HNF1B: variants seen among roughly 807,000 people sequenced by gnomAD.
HNF1B encodes HNF1 homeobox B.
HNF1B carries 8 observed loss-of-function variants against 61.7 expected under a neutral mutation model. The observed-to-expected ratio is 0.13, with a 90% CI of 0.08 to 0.23. The LOEUF (loss-of-function observed/expected upper bound fraction) is 0.23. Ranked by LOEUF, HNF1B falls within the 10% of genes least tolerant of loss-of-function variation. The pLI, the probability that HNF1B is intolerant of heterozygous loss-of-function variation, is 1.00. For missense variants in HNF1B, 562 were observed against 714.5 expected (o/e 0.79, Z 2.43); for synonymous variants, 314 against 287.7 (o/e 1.09, Z -0.93).
chr17:37,721,788 G>A (rs979282825), intron 4 of HNF1B, among the ~76,000 whole-genome samples: 1 of 151,574 alleles, frequency 6.6e-6, no homozygotes, highest in Non-Finnish European at 1.5e-5. Flanking sequence ...GCGCCAATGG[G>A]CACAAAGTGC....
Position 37,687,097 on chromosome 17 carries a change from G to A in HNF1B, c.*275C>T. ...GTACGGCTTTCTTGCTTCCTCTTCG[G>A]AGGTTCCTTGTCTCCCACCTCCAGG... On this transcript the variant is annotated 3_prime_UTR_variant, in exon 9 of 9. Transcript: ENST00000617811. 1.6e-6 allele frequency: 1 copy of A among 616,436 alleles called. No homozygotes were observed. Among genetic ancestry groups the A allele is most frequent in the Middle Eastern group, 4.4e-4 (1 of 2,296 alleles). 38.2% of individuals were successfully genotyped at this position (616,436 alleles called of 1,614,324 possible). A position where few individuals can be genotyped will look rare whatever the true frequency, so the allele number is the denominator to read the frequency against.
chr17:37,699,039 C>T, intron 8 of HNF1B, 37 bp downstream of exon 8: 1 of 1,467,976 alleles, frequency 6.8e-7, no homozygotes, highest in Non-Finnish European at 9.6e-7. Context: ...TCACACCCTG[C>T]CCACACCCCA....
At chr17:37,733,210 C>A (rs1033357849) in intron 3 of HNF1B, among the ~76,000 whole-genome samples, 4 of 152,188 alleles carry the variant, frequency 2.6e-5, no homozygotes, top group African/African-American at 9.7e-5. Flanking sequence ...AATTAGCATT[C>A]TCCAGAGTAT....
intron 4 of HNF1B, among the ~76,000 whole-genome samples, chr17:37,723,356 T>A (rs1336445451): frequency 6.6e-6 from 1 of 150,956 alleles, no homozygotes; most frequent in East Asian, 1.9e-4. Context: ...AAAAAAAAAA[T>A]TAAAAGAAAA....
At position 37,739,424 on chromosome 17, in the gene HNF1B, G is replaced by A. The variant is rs1334084049; in HGVS notation, c.544+16C>T. The A allele has an allele frequency of 1.9e-6, 3 of 1,612,962 alleles. No individual in the cohort carries two copies. The African/African-American group carries it at 4.0e-5, about 22-fold the overall frequency. ...GTCACTTCAGGTTGAGGCAGAGGCA[G>A]GATGAAAACACTTACGTCGGAGGAT... On this transcript the variant is annotated intron_variant, in intron 2 of 8. Transcript: ENST00000617811.
intron 4 of HNF1B, among the ~76,000 whole-genome samples, chr17:37,721,717 CTCTT>C (rs1205353593): frequency 7.0e-4 from 85 of 121,048 alleles, no homozygotes; most frequent in African/African-American, 1.9e-3. Context: ...AAATCTCTCT[CTCTT>C]TTTTTTTTTT....
intron 4 of HNF1B, among the ~76,000 whole-genome samples, chr17:37,713,676 C>A (rs912523032): frequency 1.3e-5 from 2 of 152,190 alleles, no homozygotes; most frequent in African/African-American, 2.4e-5. Flanking sequence ...TGGGTGAGCA[C>A]CAGCTTCCTC....
intron 3 of HNF1B, 72 bp from the exon 4 acceptor site, chr17:37,731,902 C>A (rs1436644816): frequency 1.0e-6 from 1 of 996,900 alleles, no homozygotes; most frequent in Non-Finnish European, 1.6e-6. Flanking sequence ...GCCAAAAACA[C>A]ACAATCACAG....
intron 8 of HNF1B, among the ~76,000 whole-genome samples, chr17:37,693,612 T>C (rs1054356655): frequency 2.0e-5 from 3 of 152,196 alleles, no homozygotes; most frequent in Admixed American, 6.5e-5. Context: ...CATTTAACTT[T>C]GTGTAATCCA....
At position 37,701,035 on chromosome 17, in the gene HNF1B, G is replaced by A. The variant is rs1224969328; in HGVS notation, c.1482C>T (p.His494=). The A allele has an allele frequency of 6.4e-7, 1 of 1,556,530 alleles. No individual in the cohort carries two copies. Among genetic ancestry groups the A allele is most frequent in the Non-Finnish European group, 8.7e-7 (1 of 1,149,648 alleles). ...CTGCCATGAAGGGCTGCTGGGCCAT[G>A]TGGCTGCCTGGGCTCTGCTGCATGA... The part of the protein sequence containing the change: ...QPLMQQSPGS[H]MAQQPFMAAV... Residue 494 remains histidine, a synonymous_variant, in exon 7 of 9, where the codon CAC becomes CAT. Transcript: ENST00000617811.
At chr17:37,743,355 G>A (rs1200352802) in intron 1 of HNF1B, among the ~76,000 whole-genome samples, 2 of 152,258 alleles carry the variant, frequency 1.3e-5, no homozygotes, top group African/African-American at 4.8e-5. Flanking sequence ...TCCCGGTAGG[G>A]GAGAAATCAC....
chr17:37,703,504 G>T (rs1289852830), intron 6 of HNF1B, among the ~76,000 whole-genome samples: 1 of 152,104 alleles, frequency 6.6e-6, no homozygotes, highest in Admixed American at 6.5e-5. Flanking sequence ...TTTGGTTGCA[G>T]AAATAAGTGG....
chr17:37,708,495 A>G (rs529560979), intron 5 of HNF1B, among the ~76,000 whole-genome samples: 4 of 152,266 alleles, frequency 2.6e-5, no homozygotes, highest in African/African-American at 9.6e-5. Context: ...TGCCTCTTAG[A>G]AGGAGGAGAG....
intron 1 of HNF1B, among the ~76,000 whole-genome samples, chr17:37,743,020 ATAAAT>A (rs988107238): frequency 6.6e-6 from 1 of 152,124 alleles, no homozygotes; most frequent in Non-Finnish European, 1.5e-5. Flanking sequence ...ATTTATAGAA[ATAAAT>A]TAATAACACC....
chr17:37,723,640 G>A (rs2033397291), intron 4 of HNF1B, among the ~76,000 whole-genome samples: 1 of 152,090 alleles, frequency 6.6e-6, no homozygotes, highest in Admixed American at 6.6e-5. Context: ...TAAGTTTGCT[G>A]CAAACACCAA....
At chr17:37,727,734 G>C (rs1222248525) in intron 4 of HNF1B, among the ~76,000 whole-genome samples, 1 of 152,182 alleles carries the variant, frequency 6.6e-6, no homozygotes, top group East Asian at 1.9e-4. Context: ...GGGCAAGTGG[G>C]CCACAGCATG....
At chr17:37,694,613 C>G (rs1168843780) in intron 8 of HNF1B, among the ~76,000 whole-genome samples, 4 of 151,964 alleles carry the variant, frequency 2.6e-5, no homozygotes, top group Non-Finnish European at 5.9e-5. Context: ...CCTGATAGAA[C>G]TATGGAGAGT....
chr17:37,706,195 G>A (rs1054007191), intron 5 of HNF1B, among the ~76,000 whole-genome samples: 1 of 152,132 alleles, frequency 6.6e-6, no homozygotes, highest in African/African-American at 2.4e-5. Flanking sequence ...CTGACCTCAG[G>A]TTATGTGCCC....
chr17:37,737,592 C>T (rs9912751), intron 2 of HNF1B, among the ~76,000 whole-genome samples: 1 of 151,908 alleles, frequency 6.6e-6, no homozygotes, highest in Non-Finnish European at 1.5e-5. Context: ...CTTTGGGAGG[C>T]TGAGGCGGCG....
Sources: allele counts gnomAD v4.1 joint callset (sites outside exome capture counted in the v4.1 genomes callset), GRCh38; gene constraint gnomAD v4.1.1; transcripts MANE v1.5; gene names NCBI Gene and HGNC (gene_info 2026-07-23, HGNC 2026-07-21).